The following TBC1D8 variants were observed in gnomAD, a reference collection of about 807,000 sequenced individuals.
TBC1D8 encodes the protein TBC1 domain family member 8, also known as BUB2-like protein 1.
TBC1D8 carries 65 observed loss-of-function variants against 118.8 expected under a neutral mutation model. The observed-to-expected ratio is 0.55, with a 90% CI of 0.45 to 0.67. TBC1D8 has a LOEUF of 0.67. Ranked by LOEUF, TBC1D8 falls within the 30% of genes least tolerant of loss-of-function variation. TBC1D8 has a pLI of 0.00. For synonymous variants in TBC1D8, 566 were observed against 595.8 expected, an observed-to-expected ratio of 0.95 and a Z score of 0.73; for missense variants, 1,376 against 1,471.2, an observed-to-expected ratio of 0.94 and a Z score of 1.06.
At chr2:101,013,073 T>G (rs923578549) in intron 17 of TBC1D8, among the ~76,000 whole-genome samples, 17 of 152,058 alleles carry the variant, frequency 1.1e-4, no homozygotes, top group African/African-American at 4.1e-4. Flanking sequence ...CAACAAAATG[T>G]GATGGGAGCC....
chr2:101,095,371 A>G (rs1676336788), intron 1 of TBC1D8, among the ~76,000 whole-genome samples: 1 of 150,372 alleles, frequency 6.7e-6, no homozygotes, highest in Non-Finnish European at 1.5e-5. Flanking sequence ...ATTTAGCATT[A>G]GGTATATCTC....
chr2:101,052,731 G>T (rs910120735), intron 4 of TBC1D8, among the ~76,000 whole-genome samples: 1 of 152,080 alleles, frequency 6.6e-6, no homozygotes, highest in Non-Finnish European at 1.5e-5. Flanking sequence ...AAGGTTTAGT[G>T]ACAATCACTA....
chr2:101,033,840 G>C (rs992281607), intron 9 of TBC1D8, 82 bp from the exon 10 acceptor site: 5 of 1,470,544 alleles, frequency 3.4e-6, no homozygotes, highest in South Asian at 2.6e-5. Context: ...CCCATCAGGG[G>C]ACCCCAGTGG....
intron 2 of TBC1D8, among the ~76,000 whole-genome samples, chr2:101,066,462 T>G (rs2105431338): frequency 6.6e-6 from 1 of 152,140 alleles, no homozygotes; most frequent in African/African-American, 2.4e-5. Flanking sequence ...GAAAAATCAA[T>G]TCTTAAAAAA....
chr2:101,051,530 A>C (rs952404926), intron 4 of TBC1D8, among the ~76,000 whole-genome samples: 9 of 152,190 alleles, frequency 5.9e-5, no homozygotes, highest in African/African-American at 2.2e-4. Flanking sequence ...CCTACAGAAT[A>C]GGGGAAGTTT....
chr2:101,104,145 G>A (rs1677048217), intron 1 of TBC1D8, among the ~76,000 whole-genome samples: 1 of 152,102 alleles, frequency 6.6e-6, no homozygotes, highest in Non-Finnish European at 1.5e-5. Flanking sequence ...ATTTTTGTTA[G>A]GCATAAGCCT....
At chr2:101,074,069 A>G (rs978862476) in intron 2 of TBC1D8, among the ~76,000 whole-genome samples, 4 of 152,264 alleles carry the variant, frequency 2.6e-5, no homozygotes, top group Non-Finnish European at 5.9e-5. Context: ...AATTTTTGAT[A>G]TGCCTTTCTC....
intron 1 of TBC1D8, among the ~76,000 whole-genome samples, chr2:101,144,493 C>T (rs1679242444): frequency 6.6e-6 from 1 of 152,120 alleles, no homozygotes; most frequent in African/African-American, 2.4e-5. Context: ...AGAGAGGCAA[C>T]CCAAGAGGTG....
At chr2:101,149,057 T>C (rs1474547058) in intron 1 of TBC1D8, among the ~76,000 whole-genome samples, 1 of 152,204 alleles carries the variant, frequency 6.6e-6, no homozygotes, top group Non-Finnish European at 1.5e-5. Context: ...GTAAAGTGTC[T>C]GGCTGCACAT....
chr2:101,145,412 A>G (rs979635686), intron 1 of TBC1D8, among the ~76,000 whole-genome samples: 3 of 152,218 alleles, frequency 2.0e-5, no homozygotes, highest in African/African-American at 7.2e-5. Flanking sequence ...AAGACTCTGG[A>G]GCCAACATCT....
Position 101,021,718 on chromosome 2 carries a change from CT to C in TBC1D8, c.2789del (p.Glu930GlyfsTer26). On this transcript the variant is annotated frameshift_variant, in exon 17 of 20. Transcript: ENST00000409318. LOFTEE classifies it high-confidence loss of function. The stretch of plus-strand genomic sequence containing the variant: ...GAAGCCTGTATAATAGTTTAATCTT[CT>C]CATTCATTTCTCCATTATACATAAT... ...LDIMYNGEMN[E>X]KIKLLYRLHI... 6.3e-7 allele frequency: 1 copy of C among 1,597,136 alleles called. No homozygotes were observed. The highest frequency in any genetic ancestry group is 8.6e-7 in the Non-Finnish European group (1 of 1,169,560).
At chr2:101,147,919 C>A (rs1679385673) in intron 1 of TBC1D8, among the ~76,000 whole-genome samples, 1 of 152,128 alleles carries the variant, frequency 6.6e-6, no homozygotes, top group Non-Finnish European at 1.5e-5. Flanking sequence ...AACTTTATTT[C>A]CTTTCCAGAG....
intron 12 of TBC1D8, 53 bp downstream of exon 12, chr2:101,029,438 G>T: frequency 1.3e-6 from 2 of 1,570,850 alleles, no homozygotes; most frequent in South Asian, 1.1e-5. Context: ...TGCTGGGCAC[G>T]TGCTGCTGCC....
At chr2:101,105,319 G>A (rs141479327) in intron 1 of TBC1D8, among the ~76,000 whole-genome samples, 1 of 151,874 alleles carries the variant, frequency 6.6e-6, no homozygotes, top group East Asian at 1.9e-4. Context: ...TTAAAAATAG[G>A]CAAAAAATCT....
At chr2:101,131,842 A>G (rs1678608575) in intron 1 of TBC1D8, among the ~76,000 whole-genome samples, 1 of 152,172 alleles carries the variant, frequency 6.6e-6, no homozygotes, top group African/African-American at 2.4e-5. Flanking sequence ...CAAGGTTCCA[A>G]ATATAGTTGT....
intron 1 of TBC1D8, among the ~76,000 whole-genome samples, chr2:101,119,007 C>T (rs1408231386): frequency 1.3e-5 from 2 of 152,086 alleles, no homozygotes; most frequent in African/African-American, 4.8e-5. Context: ...GAGACCCTGT[C>T]TCTGCCCCCC....
chr2:101,130,076 T>C (rs1678526739), intron 1 of TBC1D8, among the ~76,000 whole-genome samples: 1 of 152,096 alleles, frequency 6.6e-6, no homozygotes. Flanking sequence ...CATCCAGCCA[T>C]GACCCTCAGA....
intron 2 of TBC1D8, among the ~76,000 whole-genome samples, chr2:101,061,187 CAAAAAAAAAAA>C (rs397785120): frequency 1.9e-5 from 1 of 52,522 alleles, no homozygotes; most frequent in Non-Finnish European, 3.4e-5. Context: ...GACTCTGTCT[CAAAAAAAAAAA>C]AAAAAAAAAA....
intron 17 of TBC1D8, chr2:101,018,062 G>A: frequency 1.1e-6 from 1 of 875,412 alleles, no homozygotes; most frequent in Admixed American, 2.8e-5. Context: ...ATGTAATGTT[G>A]ACAATCTAGG....
Sources: allele counts gnomAD v4.1 joint callset (sites outside exome capture counted in the v4.1 genomes callset), GRCh38; gene constraint gnomAD v4.1.1; transcripts MANE v1.5; gene names NCBI Gene and HGNC (gene_info 2026-07-23, HGNC 2026-07-21).